Variants in CADM2 observed in about 807,000 individuals in gnomAD.
CADM2 encodes cell adhesion molecule 2.
Under a neutral mutation model 49.8 loss-of-function variants are expected in CADM2, and 12 were observed. That is an observed-to-expected ratio of 0.24 (90% confidence interval 0.15 to 0.39). CADM2 has a LOEUF of 0.39. Ranked by LOEUF, CADM2 falls within the 10% of genes least tolerant of loss-of-function variation. CADM2 has a pLI of 1.00. For missense variants in CADM2, 378 were observed against 492.3 expected, an observed-to-expected ratio of 0.77 and a Z score of 2.20; for synonymous variants, 214 against 175.4, an observed-to-expected ratio of 1.22 and a Z score of -1.74.
chr3:85,876,386 C>T (rs553808160), intron 3 of CADM2, among the ~76,000 whole-genome samples: 44 of 151,904 alleles, frequency 2.9e-4, no homozygotes, highest in African/African-American at 7.0e-4. Flanking sequence ...ATTGATAATC[C>T]GCATATTCAA....
intron 1 of CADM2, among the ~76,000 whole-genome samples, chr3:85,014,973 T>G (rs1329242047): frequency 6.6e-6 from 1 of 152,156 alleles, no homozygotes; most frequent in Non-Finnish European, 1.5e-5. Context: ...AAAGTCATCT[T>G]ATAATGAGAA....
intron 2 of CADM2, among the ~76,000 whole-genome samples, chr3:85,734,535 A>G (rs1167034005): frequency 7.2e-6 from 1 of 139,438 alleles, no homozygotes; most frequent in African/African-American, 2.5e-5. Flanking sequence ...ATACACACAC[A>G]TACATATATA....
At chr3:85,744,093 T>C (rs891063677) in intron 2 of CADM2, among the ~76,000 whole-genome samples, 1 of 152,030 alleles carries the variant, frequency 6.6e-6, no homozygotes, top group Non-Finnish European at 1.5e-5. Context: ...TGATTAGTAC[T>C]ATGAAGAAAA....
intron 1 of CADM2, among the ~76,000 whole-genome samples, chr3:85,344,591 G>A (rs562569282): frequency 1.3e-5 from 2 of 151,624 alleles, no homozygotes; most frequent in Non-Finnish European, 2.9e-5. Flanking sequence ...TCAGAATGAA[G>A]TCACGTGTAT....
chr3:85,254,755 A>C (rs1315107851), intron 1 of CADM2, among the ~76,000 whole-genome samples: 1 of 152,116 alleles, frequency 6.6e-6, no homozygotes, highest in Non-Finnish European at 1.5e-5. Flanking sequence ...GAGGAGGAAC[A>C]CAAGAAGGTT....
intron 1 of CADM2, among the ~76,000 whole-genome samples, chr3:85,661,630 A>C (rs529299639): frequency 6.6e-6 from 1 of 152,142 alleles, no homozygotes; most frequent in South Asian, 2.1e-4. Context: ...TTCTCCCCTA[A>C]GTATTTTTCA....
intron 1 of CADM2, among the ~76,000 whole-genome samples, chr3:85,160,904 C>A (rs539106993): frequency 6.6e-6 from 1 of 152,040 alleles, no homozygotes; most frequent in Non-Finnish European, 1.5e-5. Flanking sequence ...TCATTTGTAC[C>A]AAGTCTTTGA....
intron 1 of CADM2, among the ~76,000 whole-genome samples, chr3:85,061,765 G>A (rs1369010310): frequency 6.6e-6 from 1 of 152,018 alleles, no homozygotes; most frequent in African/African-American, 2.4e-5. Flanking sequence ...GTAAAATACA[G>A]TCTATTTGTG....
intron 1 of CADM2, among the ~76,000 whole-genome samples, chr3:85,506,275 G>T (rs1464160553): frequency 6.6e-6 from 1 of 152,086 alleles, no homozygotes; most frequent in African/African-American, 2.4e-5. Flanking sequence ...TAATTTAGCT[G>T]CTCTTTAGCT....
intron 1 of CADM2, among the ~76,000 whole-genome samples, chr3:85,595,732 C>CT (rs1001967866): frequency 1.3e-5 from 2 of 151,848 alleles, no homozygotes; most frequent in African/African-American, 4.8e-5. Context: ...ACCATATAGT[C>CT]TAAGTTGTAA....
At chr3:85,270,013 A>T (rs1164544310) in intron 1 of CADM2, among the ~76,000 whole-genome samples, 1 of 151,220 alleles carries the variant, frequency 6.6e-6, no homozygotes, top group East Asian at 1.9e-4. Context: ...AAAAAGAAGC[A>T]TCATCTTCAT....
chr3:85,680,030 T>A (rs996305541), intron 1 of CADM2, among the ~76,000 whole-genome samples: 2 of 151,990 alleles, frequency 1.3e-5, no homozygotes, highest in African/African-American at 4.8e-5. Context: ...ATAAAGGAAA[T>A]AAAAACCCTT....
chr3:85,623,098 A>G (rs529133764), intron 1 of CADM2, among the ~76,000 whole-genome samples: 1 of 152,258 alleles, frequency 6.6e-6, no homozygotes, highest in East Asian at 1.9e-4. Context: ...AGGACAAAGA[A>G]GCCATAACAT....
At chr3:85,248,606 G>A (rs193256446) in intron 1 of CADM2, among the ~76,000 whole-genome samples, 30 of 152,196 alleles carry the variant, frequency 2.0e-4, no homozygotes, top group African/African-American at 6.5e-4. Flanking sequence ...TAACAAATAG[G>A]TATTTATTAC....
intron 1 of CADM2, among the ~76,000 whole-genome samples, chr3:85,223,946 T>C (rs1384931045): frequency 6.6e-6 from 1 of 152,214 alleles, no homozygotes; most frequent in African/African-American, 2.4e-5. Flanking sequence ...CATTTTTTTA[T>C]GGCTGCATAG....
At chr3:85,441,568 T>A (rs536390803) in intron 1 of CADM2, among the ~76,000 whole-genome samples, 8 of 152,250 alleles carry the variant, frequency 5.3e-5, no homozygotes, top group African/African-American at 1.9e-4. Flanking sequence ...AATTGATTTT[T>A]ATCCTCTCTT....
At chr3:85,823,563 C>T (rs926992143) in intron 3 of CADM2, among the ~76,000 whole-genome samples, 4 of 152,070 alleles carry the variant, frequency 2.6e-5, no homozygotes, top group African/African-American at 9.7e-5. Flanking sequence ...GTTTGAGGAG[C>T]ACTGTTATGT....
At chr3:86,013,398 G>C in intron 8 of CADM2, 6 of 1,540,628 alleles carry the variant, frequency 3.9e-6, no homozygotes, top group Non-Finnish European at 3.6e-6. Flanking sequence ...GGATGGACAG[G>C]AGGCCGAAGA....
chr3:85,153,540 T>G (rs1468742274), intron 1 of CADM2, among the ~76,000 whole-genome samples: 1 of 152,126 alleles, frequency 6.6e-6, no homozygotes, highest in Admixed American at 6.5e-5. Flanking sequence ...CCAGGCTTGC[T>G]TAGGTAAACA....
Sources: allele counts gnomAD v4.1 joint callset (sites outside exome capture counted in the v4.1 genomes callset), GRCh38; gene constraint gnomAD v4.1.1; transcripts MANE v1.5; gene names NCBI Gene and HGNC (gene_info 2026-07-23, HGNC 2026-07-21).